The following COL21A1 variants were observed in gnomAD, a reference collection of about 807,000 sequenced individuals.
The protein encoded by COL21A1 is collagen type XXI alpha 1 chain.
A neutral mutation model predicts 137.9 loss-of-function variants in COL21A1; 149 were observed. The ratio of observed to expected loss-of-function variants is 1.08; its 90% confidence interval spans 0.95 to 1.24. COL21A1 has a LOEUF of 1.24. Among genes scored for constraint, COL21A1 ranks in the 50% most tolerant of loss-of-function variants. The pLI is 0.00. For missense variants in COL21A1, 1,167 were observed against 1,158.4 expected (o/e 1.01, Z -0.11); for synonymous variants, 456 against 391.5 (o/e 1.16, Z -1.95).
At chr6:56,234,974 T>C (rs1304491994) in intron 1 of COL21A1, among the ~76,000 whole-genome samples, 3 of 151,820 alleles carry the variant, frequency 2.0e-5, no homozygotes, top group African/African-American at 7.2e-5. Context: ...TCGTGCATAC[T>C]GAAACATCTT....
intron 1 of COL21A1, among the ~76,000 whole-genome samples, chr6:56,288,562 T>C (rs2152335138): frequency 6.6e-6 from 1 of 152,274 alleles, no homozygotes; most frequent in South Asian, 2.1e-4. Context: ...ACTTACCTCC[T>C]AAGGGCCAGC....
intron 1 of COL21A1, among the ~76,000 whole-genome samples, chr6:56,263,081 C>A (rs1369378784): frequency 6.6e-6 from 1 of 152,204 alleles, no homozygotes; most frequent in African/African-American, 2.4e-5. Context: ...CAATCCCAAC[C>A]ACTCCGCTCC....
chr6:56,182,519 G>T lies in COL21A1; in HGVS notation c.88+12C>A, dbSNP rs376344291. The T allele has an allele frequency of 3.1e-4, 477 of 1,551,902 alleles. No individual in the cohort carries two copies. Among genetic ancestry groups the T allele is most frequent in the Non-Finnish European group, 3.9e-4 (442 of 1,132,664 alleles). ...GTTGATAACAAAAAAGGACAATGCTGATAGTTCTTACTTGATCTTACTTCC... is the reference window on the plus strand; with the variant it reads ...GTTGATAACAAAAAAGGACAATGCTTATAGTTCTTACTTGATCTTACTTCC... On this transcript the variant is annotated intron_variant, in intron 2 of 29. Transcript: ENST00000244728.
At chr6:56,192,499 AAAC>A (rs1778754302) in intron 1 of COL21A1, among the ~76,000 whole-genome samples, 2 of 151,726 alleles carry the variant, frequency 1.3e-5, no homozygotes, top group South Asian at 4.2e-4. Context: ...CAAGAAAAAA[AAAC>A]AACCCCATCA....
At chr6:56,211,714 T>A (rs892323085) in intron 1 of COL21A1, among the ~76,000 whole-genome samples, 3 of 152,114 alleles carry the variant, frequency 2.0e-5, no homozygotes, top group Non-Finnish European at 2.9e-5. Flanking sequence ...CCATTTTTTT[T>A]AAACAAACGC....
chr6:56,106,737 A>G (rs1770934642), intron 16 of COL21A1, among the ~76,000 whole-genome samples: 1 of 152,238 alleles, frequency 6.6e-6, no homozygotes, highest in African/African-American at 2.4e-5. Flanking sequence ...CACAAAAATA[A>G]ACATAAAGAA....
intron 1 of COL21A1, among the ~76,000 whole-genome samples, chr6:56,388,876 G>A (rs1385002048): frequency 2.6e-5 from 4 of 152,152 alleles, no homozygotes; most frequent in African/African-American, 9.7e-5. Flanking sequence ...GAAGCTCAGC[G>A]AATTTCAAGA....
intron 28 of COL21A1, among the ~76,000 whole-genome samples, chr6:56,059,767 A>T (rs768051719): frequency 1.3e-5 from 2 of 152,114 alleles, no homozygotes; most frequent in African/African-American, 2.4e-5. Flanking sequence ...CTCAAGCAAA[A>T]TTTCTCAGTA....
chr6:56,285,188 G>C (rs1763876822), intron 1 of COL21A1, among the ~76,000 whole-genome samples: 1 of 152,104 alleles, frequency 6.6e-6, no homozygotes, highest in Non-Finnish European at 1.5e-5. Context: ...TCATATCTGA[G>C]CTCCTTCTTC....
At chr6:56,295,376 T>C (rs1764140736) in intron 1 of COL21A1, among the ~76,000 whole-genome samples, 2 of 151,996 alleles carry the variant, frequency 1.3e-5, no homozygotes, top group African/African-American at 2.4e-5. Flanking sequence ...GAAGTCCAGC[T>C]ATGTCGACCT....
chr6:56,096,029 T>C (rs553635501), intron 17 of COL21A1, among the ~76,000 whole-genome samples: 35 of 152,100 alleles, frequency 2.3e-4, no homozygotes, highest in Non-Finnish European at 4.1e-4. Context: ...TTATTTTTAG[T>C]AGAGATGGGA....
At chr6:56,371,198 G>C (rs1447825369) in intron 1 of COL21A1, among the ~76,000 whole-genome samples, 1 of 152,178 alleles carries the variant, frequency 6.6e-6, no homozygotes, top group East Asian at 1.9e-4. Flanking sequence ...TGTTTGAAAA[G>C]TTAAAAATGT....
intron 1 of COL21A1, among the ~76,000 whole-genome samples, chr6:56,322,396 C>T (rs1764890044): frequency 6.6e-6 from 1 of 152,114 alleles, no homozygotes; most frequent in Admixed American, 6.6e-5. Context: ...TCAAGCGTCT[C>T]AACAACTTTT....
chr6:56,168,063 T>C, intron 6 of COL21A1, 61 bp downstream of exon 6: 1 of 1,163,556 alleles, frequency 8.6e-7, no homozygotes, highest in Non-Finnish European at 1.2e-6. Context: ...TGAAAACTAT[T>C]ACAAAGGACA....
At chr6:56,148,808 C>T (rs1775050515) in intron 10 of COL21A1, among the ~76,000 whole-genome samples, 2 of 152,166 alleles carry the variant, frequency 1.3e-5, no homozygotes, top group Non-Finnish European at 2.9e-5. Flanking sequence ...AGTAGCATCT[C>T]TTGTTTGGAT....
intron 22 of COL21A1, among the ~76,000 whole-genome samples, chr6:56,067,810 T>A (rs1264031215): frequency 6.6e-6 from 1 of 151,690 alleles, no homozygotes; most frequent in Non-Finnish European, 1.5e-5. Context: ...AAAAATTATA[T>A]TCCATAAAAA....
intron 24 of COL21A1, among the ~76,000 whole-genome samples, chr6:56,063,696 C>G (rs115915178): frequency 6.6e-6 from 1 of 152,060 alleles, no homozygotes; most frequent in Non-Finnish European, 1.5e-5. Context: ...TTACACTCTT[C>G]CCAATGGTCT....
chr6:56,058,155 C>T (rs979625050), intron 29 of COL21A1, among the ~76,000 whole-genome samples: 1 of 152,054 alleles, frequency 6.6e-6, no homozygotes, highest in African/African-American at 2.4e-5. Context: ...AATCTTATTT[C>T]TTCCTTTCAG....
intron 18 of COL21A1, among the ~76,000 whole-genome samples, chr6:56,076,360 T>A (rs1179383135): frequency 6.6e-6 from 1 of 151,082 alleles, no homozygotes; most frequent in Admixed American, 6.6e-5. Context: ...ATAAACAATA[T>A]AGAAACAAGA....
Sources: allele counts gnomAD v4.1 joint callset (sites outside exome capture counted in the v4.1 genomes callset), GRCh38; gene constraint gnomAD v4.1.1; transcripts MANE v1.5; gene names NCBI Gene and HGNC (gene_info 2026-07-23, HGNC 2026-07-21).